ERG: variants seen among roughly 807,000 people sequenced by gnomAD.
ERG encodes the protein transcriptional regulator ERG.
In ERG, 9 loss-of-function variants were observed where a neutral mutation model predicts 55.3. The observed-to-expected ratio is 0.16, with a 90% CI of 0.10 to 0.28. ERG has a LOEUF of 0.28. Among genes scored for constraint, ERG ranks in the 10% least tolerant of loss-of-function variants. The pLI, the probability that ERG is intolerant of heterozygous loss-of-function variation, is 1.00. For missense variants in ERG, 434 were observed against 631.6 expected, an observed-to-expected ratio of 0.69 and a Z score of 3.35; for synonymous variants, 223 against 237.3, an observed-to-expected ratio of 0.94 and a Z score of 0.55.
chr21:38,574,389 T>G (rs1349909618), intron 2 of ERG, among the ~76,000 whole-genome samples: 5 of 152,160 alleles, frequency 3.3e-5, no homozygotes, highest in African/African-American at 1.2e-4. Flanking sequence ...AATTATAGTG[T>G]CCCCATAAGC....
At chr21:38,420,069 A>G (rs1484620093) in intron 3 of ERG, among the ~76,000 whole-genome samples, 1 of 149,980 alleles carries the variant, frequency 6.7e-6, no homozygotes, top group African/African-American at 2.5e-5. Flanking sequence ...TGTGATTTGC[A>G]TTAGTGCCAA....
chr21:38,409,554 C>T (rs1284031291), intron 3 of ERG, among the ~76,000 whole-genome samples: 2 of 148,942 alleles, frequency 1.3e-5, no homozygotes, highest in African/African-American at 5.0e-5. Context: ...AGAGAGGTAG[C>T]ACCAACCAGG....
intron 1 of ERG, among the ~76,000 whole-genome samples, chr21:38,464,570 G>A (rs1300914698): frequency 6.6e-6 from 1 of 152,004 alleles, no homozygotes; most frequent in East Asian, 1.9e-4. Flanking sequence ...TTTAGATAAT[G>A]CTATTTTTCA....
At chr21:38,391,183 A>G (rs1355949211) in intron 8 of ERG, 141 bp from the exon 9 acceptor site, 1 of 703,768 alleles carries the variant, frequency 1.4e-6, no homozygotes, top group Non-Finnish European at 2.5e-6. Context: ...AACTGCCTCC[A>G]CCTCCTCTAT....
intron 1 of ERG, among the ~76,000 whole-genome samples, chr21:38,474,363 C>A (rs1239438969): frequency 1.3e-5 from 2 of 152,176 alleles, no homozygotes; most frequent in African/African-American, 4.8e-5. Flanking sequence ...ACCGCCTCTG[C>A]ATGTTGAGTG....
rs560680470 is a variant in ERG, at chr21:38,633,563, A to T, written c.-150+28095T>A. Among the ~76,000 whole-genome samples, 13 of 152,294 alleles carry T rather than the reference A, an allele frequency of 8.5e-5. No homozygotes were observed. In the South Asian group the frequency reaches 2.7e-3, roughly 32 times the overall value. ...CCTGCTCCATGCTATATCAGCACACATGAATTATTTTATGTTTGGTTGGGT... is the reference window on the plus strand; with the variant it reads ...CCTGCTCCATGCTATATCAGCACACTTGAATTATTTTATGTTTGGTTGGGT... On this transcript the variant is annotated intron_variant, in intron 1 of 10. Coordinates refer to the ERG transcript ENST00000398910.
intron 6 of ERG, among the ~76,000 whole-genome samples, chr21:38,399,533 G>A (rs1352553993): frequency 6.6e-6 from 1 of 152,240 alleles, no homozygotes; most frequent in East Asian, 1.9e-4. Context: ...AATGTCATCA[G>A]CTGTGAGGCT....
At chr21:38,489,778 C>G (rs1016445670) in intron 1 of ERG, among the ~76,000 whole-genome samples, 1 of 152,212 alleles carries the variant, frequency 6.6e-6, no homozygotes, top group Non-Finnish European at 1.5e-5. Context: ...TGCACCGTCC[C>G]AGATTTCCTG....
At chr21:38,427,599 T>A (rs1262780176) in intron 2 of ERG, among the ~76,000 whole-genome samples, 1 of 152,110 alleles carries the variant, frequency 6.6e-6, no homozygotes, top group African/African-American at 2.4e-5. Flanking sequence ...GAACTCTCCA[T>A]CCCTGCTTCT....
At chr21:38,601,656 C>T (rs2060165325) in intron 1 of ERG, among the ~76,000 whole-genome samples, 1 of 152,112 alleles carries the variant, frequency 6.6e-6, no homozygotes, top group African/African-American at 2.4e-5. Flanking sequence ...ATGAGTGTTA[C>T]ACTCCAAGCA....
rs1555903684 is a variant in ERG at position 38,466,300 on chromosome 21, G to GGTGTGTGGGGGT, written c.19-20680_19-20679insACCCCCACACAC. On this transcript the variant is annotated intron_variant, in intron 1 of 9. Coordinates refer to ENST00000288319, the MANE Select transcript of ERG (RefSeq NM_182918.4). ...CAGTTTAGGCTGTCTGATGGTCTGG[G>GGTGTGTGGGGGT]GTGTGTGTGTGTGTGTGTGTGTGTG... 6.4e-5 allele frequency among the ~76,000 whole-genome samples: 9 copies of GGTGTGTGGGGGT among 140,684 alleles called. No homozygotes were observed. The East Asian group carries it at 1.4e-3, about 23-fold the overall frequency. The allele number at this position is 140,684 out of a possible 152,430, so 92.3% of individuals were successfully genotyped here. A position where few individuals can be genotyped will look rare whatever the true frequency, so the allele number is the denominator to read the frequency against.
In ERG at chr21:38,423,981, A is replaced by AAAAAGAAAAGAAAAG. The variant is rs56340509; in HGVS notation, c.237-435_237-421dup. On this transcript the variant is annotated intron_variant, in intron 2 of 9. Transcript: ENST00000288319. ...CAGAGTAAGATTCCATCTCAAAACA[A>AAAAAGAAAAGAAAAG]AAAAGAAAAGAAAAGAAAAGAAATG... 6.0e-5 allele frequency among the ~76,000 whole-genome samples: 9 copies of AAAAAGAAAAGAAAAG among 150,372 alleles called. No homozygotes were observed. In the East Asian group the frequency reaches 1.2e-3, roughly 20 times the overall value.
intron 1 of ERG, among the ~76,000 whole-genome samples, chr21:38,600,885 G>A (rs1176082645): frequency 2.0e-5 from 3 of 151,856 alleles, no homozygotes; most frequent in East Asian, 1.9e-4. Flanking sequence ...CTCTGCTATC[G>A]CTCCTTGAAA....
At chr21:38,368,330 G>T in the ERG span, among the ~76,000 whole-genome samples, 8 of 151,996 alleles carry the variant, frequency 5.3e-5, no homozygotes, top group African/African-American at 1.7e-4. Flanking sequence ...TAAATAAATG[G>T]AACCATATCA....
intron 6 of ERG, among the ~76,000 whole-genome samples, chr21:38,394,904 CAT>C (rs1376688465): frequency 6.6e-6 from 1 of 152,122 alleles, no homozygotes; most frequent in African/African-American, 2.4e-5. Context: ...CTACCTTAAA[CAT>C]AAAATTGTTG....
intron 1 of ERG, among the ~76,000 whole-genome samples, chr21:38,618,560 G>C (rs774911810): frequency 2.9e-4 from 44 of 152,220 alleles, no homozygotes; most frequent in Non-Finnish European, 3.2e-4. Flanking sequence ...AGGTTGGGGG[G>C]GAACAACTTT....
At chr21:38,433,063 G>A (rs1471429205) in intron 2 of ERG, among the ~76,000 whole-genome samples, 1 of 152,222 alleles carries the variant, frequency 6.6e-6, no homozygotes, top group East Asian at 1.9e-4. Flanking sequence ...CAATGTTTAT[G>A]TAGAGATATA....
At position 38,600,536 on chromosome 21, in the gene ERG, G is replaced by A. The variant is rs754694585; in HGVS notation, c.-149-15591C>T. On this transcript the variant is annotated intron_variant, in intron 1 of 10. Coordinates refer to the ERG transcript ENST00000398910. ...GTAAAGGGACCCCATCCCATGTGGC[G>A]ACTCCCATCATGGCAGAACTGTAGA... Among the ~76,000 whole-genome samples, 17 of 152,144 alleles carry A rather than the reference G, an allele frequency of 1.1e-4. No individual in the cohort carries two copies. The East Asian group carries it at 1.2e-3, about 10-fold the overall frequency.
intron 7 of ERG, 76 bp downstream of exon 7, chr21:38,392,300 A>C (rs1382201008): frequency 1.6e-6 from 2 of 1,251,798 alleles, no homozygotes; most frequent in South Asian, 2.6e-5. Flanking sequence ...TAACCACAGA[A>C]ATTATTATAT....
Sources: gnomAD v4.1 joint callset for allele counts (sites outside exome capture counted in the v4.1 genomes callset) on GRCh38, gnomAD v4.1.1 for gene constraint, MANE v1.5 for transcripts, NCBI Gene and HGNC (gene_info 2026-07-23, HGNC 2026-07-21) for gene names.